Variants in P2RY12 observed in about 807,000 individuals in gnomAD.
The protein encoded by P2RY12 is P2Y purinoceptor 12.
In P2RY12, 3 loss-of-function variants were observed where a neutral mutation model predicts 4.5. That is an observed-to-expected ratio of 0.67 (90% CI 0.31 to 1.74). The LOEUF (loss-of-function observed/expected upper bound fraction) is 1.74. P2RY12 is among the 40% of genes most tolerant of loss of function. P2RY12 has a pLI of 0.09. For synonymous variants in P2RY12, 148 were observed against 154.1 expected, an observed-to-expected ratio of 0.96 and a Z score of 0.29; for missense variants, 356 against 407.8, an observed-to-expected ratio of 0.87 and a Z score of 1.09.
intron 1 of P2RY12, among the ~76,000 whole-genome samples, chr3:151,356,957 A>G (rs151274465): frequency 2.5e-3 from 387 of 152,320 alleles, no homozygotes; most frequent in African/African-American, 8.5e-3. Context: ...AAAATTATAC[A>G]GTCCAGGACC....
chr3:151,358,165 C>T (rs1033453684), intron 1 of P2RY12, among the ~76,000 whole-genome samples: 1 of 151,994 alleles, frequency 6.6e-6, no homozygotes, highest in African/African-American at 2.4e-5. Context: ...AGAATGATAT[C>T]AATTTAACAG....
At chr3:151,351,679 G>T (rs777999366) in intron 1 of P2RY12, among the ~76,000 whole-genome samples, 16 of 152,188 alleles carry the variant, frequency 1.1e-4, no homozygotes, top group Non-Finnish European at 2.1e-4. Context: ...TGGCAATGGG[G>T]TAGGGGGGAG....
intron 1 of P2RY12, chr3:151,376,904 A>T: frequency 6.2e-7 from 1 of 1,612,468 alleles, no homozygotes; most frequent in Non-Finnish European, 8.5e-7. Flanking sequence ...TTATCTCTGT[A>T]TGAAATTTTA....
At chr3:151,354,732 A>T (rs1410913171) in intron 1 of P2RY12, among the ~76,000 whole-genome samples, 1 of 152,230 alleles carries the variant, frequency 6.6e-6, no homozygotes, top group Non-Finnish European at 1.5e-5. Context: ...GAGAATTATT[A>T]GTTTTTAGAA....
At chr3:151,381,096 A>C (rs1712253581) in intron 1 of P2RY12, among the ~76,000 whole-genome samples, 1 of 152,250 alleles carries the variant, frequency 6.6e-6, no homozygotes, top group African/African-American at 2.4e-5. Flanking sequence ...CTGAGCATTC[A>C]CAACAGAAAT....
chr3:151,361,978 A>G (rs1754664511), intron 1 of P2RY12, among the ~76,000 whole-genome samples: 1 of 152,144 alleles, frequency 6.6e-6, no homozygotes, highest in African/African-American at 2.4e-5. Context: ...GTAGAAGGTA[A>G]TAGCTAAGAA....
chr3:151,357,293 G>T (rs564675820), intron 1 of P2RY12: 2 of 1,613,782 alleles, frequency 1.2e-6, no homozygotes, highest in Non-Finnish European at 1.7e-6. Flanking sequence ...CAACAGGACT[G>T]TGTGTCTGCA....
chr3:151,382,647 G>A, intron 1 of P2RY12: 2 of 1,595,266 alleles, frequency 1.3e-6, no homozygotes, highest in Non-Finnish European at 1.7e-6. Context: ...GTTTTTTTCC[G>A]GATCTTAGAT....
At chr3:151,344,305 T>TTA (rs1553787471) in intron 1 of P2RY12, among the ~76,000 whole-genome samples, 9 of 150,960 alleles carry the variant, frequency 6.0e-5, no homozygotes, top group South Asian at 2.1e-4. Flanking sequence ...TACTAATGAT[T>TTA]AAAAAAAAAC....
intron 1 of P2RY12, among the ~76,000 whole-genome samples, chr3:151,341,291 T>C (rs1176963535): frequency 2.0e-5 from 3 of 152,182 alleles, no homozygotes; most frequent in Non-Finnish European, 4.4e-5. Flanking sequence ...TTCCTTCTAT[T>C]ATAAATTAGC....
At chr3:151,341,339 T>A (rs1173433140) in intron 1 of P2RY12, among the ~76,000 whole-genome samples, 1 of 152,186 alleles carries the variant, frequency 6.6e-6, no homozygotes, top group African/African-American at 2.4e-5. Context: ...ATTGTATCCA[T>A]TGCCAGGCTT....
At chr3:151,348,340 CAAAAAAAAAA>C (rs11382065) in intron 1 of P2RY12, among the ~76,000 whole-genome samples, 3 of 87,804 alleles carry the variant, frequency 3.4e-5, no homozygotes, top group African/African-American at 8.9e-5. Context: ...ACCACCAGAC[CAAAAAAAAAA>C]AAAAAAAAAA....
intron 1 of P2RY12, among the ~76,000 whole-genome samples, chr3:151,360,901 A>G (rs966828337): frequency 2.0e-5 from 3 of 152,126 alleles, no homozygotes; most frequent in Non-Finnish European, 4.4e-5. Context: ...TTAAGATTTT[A>G]CATTTTCTAT....
chr3:151,348,374 A>G (rs1752812726), intron 1 of P2RY12, among the ~76,000 whole-genome samples: 1 of 146,730 alleles, frequency 6.8e-6, no homozygotes, highest in African/African-American at 2.5e-5. Flanking sequence ...GAAAAAAGAA[A>G]TATATCAGTA....
chr3:151,344,715 A>T (rs914757979), intron 1 of P2RY12, among the ~76,000 whole-genome samples: 3 of 152,212 alleles, frequency 2.0e-5, no homozygotes, highest in African/African-American at 7.2e-5. Flanking sequence ...CATCCACTTC[A>T]TCTGTTTTTA....
chr3:151,360,444 T>C (rs776160953), intron 1 of P2RY12: 1 of 1,603,344 alleles, frequency 6.2e-7, no homozygotes, highest in Non-Finnish European at 8.5e-7. Context: ...CAAATCTATG[T>C]CTTATTTCTT....
chr3:151,358,838 A>G (rs1273243598), intron 1 of P2RY12, among the ~76,000 whole-genome samples: 1 of 152,212 alleles, frequency 6.6e-6, no homozygotes, highest in East Asian at 1.9e-4. Flanking sequence ...AACACTGACT[A>G]CTATACGATG....
chr3:151,368,081 A>G (rs1755510518), intron 1 of P2RY12: 1 of 1,233,726 alleles, frequency 8.1e-7, no homozygotes, highest in African/African-American at 1.5e-5. Context: ...AATTTAGCTT[A>G]ATAGGAAACC....
chr3:151,374,972 T>C (rs1756651246), intron 1 of P2RY12, among the ~76,000 whole-genome samples: 1 of 152,238 alleles, frequency 6.6e-6, no homozygotes, highest in Admixed American at 6.5e-5. Context: ...TATTTTGTAC[T>C]TTGCTATAGG....
Sources: allele counts gnomAD v4.1 joint callset (sites outside exome capture counted in the v4.1 genomes callset), GRCh38; gene constraint gnomAD v4.1.1; transcripts MANE v1.5; gene names NCBI Gene and HGNC (gene_info 2026-07-23, HGNC 2026-07-21).